The following CAP2 variants were observed in gnomAD, a reference collection of about 807,000 sequenced individuals.
CAP2 encodes adenylyl cyclase-associated protein 2.
CAP2 carries 24 observed loss-of-function variants against 57.7 expected under a neutral mutation model. That is an observed-to-expected ratio of 0.42 (90% confidence interval 0.30 to 0.58). The LOEUF (loss-of-function observed/expected upper bound fraction) is 0.58, where lower values mean the gene tolerates loss of function less well. CAP2 is among the 20% of genes least tolerant of loss of function. The pLI, the probability that CAP2 is intolerant of heterozygous loss-of-function variation, is 0.22. For synonymous variants in CAP2, 194 were observed against 207.2 expected (o/e 0.94, Z 0.55); for missense variants, 501 against 590.3 (o/e 0.85, Z 1.57).
At chr6:17,545,339 T>A (rs1763015447) in intron 11 of CAP2, among the ~76,000 whole-genome samples, 1 of 152,194 alleles carries the variant, frequency 6.6e-6, no homozygotes, top group Non-Finnish European at 1.5e-5. Context: ...GCATTTTTTT[T>A]AATGTAAATA....
chr6:17,510,500 C>T (rs1259736083), intron 6 of CAP2, among the ~76,000 whole-genome samples: 4 of 152,138 alleles, frequency 2.6e-5, no homozygotes, highest in South Asian at 2.1e-4. Flanking sequence ...CTGCCCACCC[C>T]GAGAAAACTT....
chr6:17,494,176 A>G (rs976838690), intron 4 of CAP2, among the ~76,000 whole-genome samples: 1 of 152,226 alleles, frequency 6.6e-6, no homozygotes, highest in Non-Finnish European at 1.5e-5. Flanking sequence ...TACAGCAGCC[A>G]GAGCGATCCT....
At chr6:17,411,711 G>A (rs1411267219) in intron 1 of CAP2, among the ~76,000 whole-genome samples, 1 of 152,176 alleles carries the variant, frequency 6.6e-6, no homozygotes, top group Admixed American at 6.5e-5. Context: ...TTTACTTGAT[G>A]GAGGGAGAAT....
rs184328040 is a variant in CAP2 at position 17,480,250 on chromosome 6, C to T, written c.300+17177C>T. Among the ~76,000 whole-genome samples the T allele has an allele frequency of 1.1e-3, 168 of 152,256 alleles. 2 individuals carry two copies. Among genetic ancestry groups the T allele is most frequent in the Middle Eastern group, 3.4e-3 (1 of 294 alleles). Reference sequence around the variant, plus strand: ...CTGAGTCCTCTCCTCCAAAACTTCTCCCCCACAGCAAATCCATTATCCCAA... The same window carrying T: ...CTGAGTCCTCTCCTCCAAAACTTCTTCCCCACAGCAAATCCATTATCCCAA... On this transcript the variant is annotated intron_variant, in intron 4 of 12. Transcript: ENST00000229922.
chr6:17,512,990 T>G (rs192448276), intron 6 of CAP2, among the ~76,000 whole-genome samples: 121 of 152,330 alleles, frequency 7.9e-4, no homozygotes, highest in African/African-American at 2.7e-3. Context: ...ATTAAATTTT[T>G]CTTAACTCAA....
At chr6:17,411,133 C>G (rs188026874) in intron 1 of CAP2, among the ~76,000 whole-genome samples, 9 of 152,242 alleles carry the variant, frequency 5.9e-5, no homozygotes, top group African/African-American at 2.2e-4. Context: ...GTATTTCACT[C>G]TTTTTTATGG....
At chr6:17,529,384 G>A (rs1204123943) in intron 7 of CAP2, among the ~76,000 whole-genome samples, 1 of 152,138 alleles carries the variant, frequency 6.6e-6, no homozygotes, top group Non-Finnish European at 1.5e-5. Context: ...GCTCACGCCT[G>A]TAATCCCAAC....
chr6:17,534,569 C>G (rs1015591313), intron 7 of CAP2, among the ~76,000 whole-genome samples: 7 of 152,174 alleles, frequency 4.6e-5, no homozygotes, highest in African/African-American at 1.4e-4. Context: ...TTTTGTATCT[C>G]TAGACTGATC....
At chr6:17,524,507 A>C (rs1762458720) in intron 7 of CAP2, among the ~76,000 whole-genome samples, 1 of 152,200 alleles carries the variant, frequency 6.6e-6, no homozygotes. Flanking sequence ...TGGCAGCAGC[A>C]ATGTGCAGCA....
intron 12 of CAP2, among the ~76,000 whole-genome samples, chr6:17,553,415 C>T (rs1468015458): frequency 3.9e-5 from 6 of 152,088 alleles, no homozygotes; most frequent in Admixed American, 2.6e-4. Flanking sequence ...GGGCAGATCA[C>T]GAGCTCAGGA....
intron 2 of CAP2, among the ~76,000 whole-genome samples, chr6:17,424,180 C>G (rs1759519081): frequency 6.6e-6 from 1 of 152,062 alleles, no homozygotes; most frequent in Admixed American, 6.5e-5. Flanking sequence ...GCGAGCCGAT[C>G]ACGAGGTCAG....
chr6:17,478,694 T>C (rs1365595596), intron 4 of CAP2, among the ~76,000 whole-genome samples: 1 of 152,210 alleles, frequency 6.6e-6, no homozygotes, highest in African/African-American at 2.4e-5. Context: ...TCCTCTTTAC[T>C]GCCAGCCTTC....
rs146846170 is a variant in CAP2 at position 17,433,090 on chromosome 6, G to A, written c.222+6400G>A. ...GTGTGTTAAAGATCTCAGCAATGCA[G>A]TGGCAGAGCCAGGAATCTAGTCTCC... On this transcript the variant is annotated intron_variant, in intron 3 of 12. Transcript: ENST00000229922. Among the ~76,000 whole-genome samples the A allele has an allele frequency of 3.6e-3, 546 of 152,118 alleles. 1 individual carries two copies. Among genetic ancestry groups the A allele is most frequent in the African/African-American group, 0.012 (479 of 41,482 alleles).
chr6:17,497,184 C>A (rs922984467), intron 4 of CAP2, among the ~76,000 whole-genome samples: 1 of 152,146 alleles, frequency 6.6e-6, no homozygotes, highest in East Asian at 1.9e-4. Flanking sequence ...CTGATGAATT[C>A]GATTGGTTTC....
At chr6:17,538,412 C>T (rs973596157) in intron 7 of CAP2, among the ~76,000 whole-genome samples, 3 of 151,872 alleles carry the variant, frequency 2.0e-5, no homozygotes, top group Non-Finnish European at 4.4e-5. Context: ...GCTATGTTCA[C>T]GCCACTGCAC....
chr6:17,531,244 G>A, intron 7 of CAP2: 1 of 791,726 alleles, frequency 1.3e-6, no homozygotes, highest in Non-Finnish European at 2.3e-6. Flanking sequence ...ACAATCCTCA[G>A]CATGTTAACT....
intron 4 of CAP2, among the ~76,000 whole-genome samples, chr6:17,489,694 C>T (rs1018001774): frequency 6.6e-6 from 1 of 151,934 alleles, no homozygotes; most frequent in South Asian, 2.1e-4. Context: ...GTTGCCTTGC[C>T]CCTTACTACC....
chr6:17,433,279 A>G (rs776349650), intron 3 of CAP2, among the ~76,000 whole-genome samples: 6 of 152,166 alleles, frequency 3.9e-5, no homozygotes, highest in Non-Finnish European at 5.9e-5. Flanking sequence ...CGAAGATAAA[A>G]CATCTTCTCT....
intron 4 of CAP2, among the ~76,000 whole-genome samples, chr6:17,493,829 A>C (rs1222176924): frequency 1.3e-5 from 2 of 151,146 alleles, no homozygotes; most frequent in Non-Finnish European, 2.9e-5. Flanking sequence ...ATTACTCATC[A>C]GTTGTGGCCC....
Sources: allele counts gnomAD v4.1 joint callset (sites outside exome capture counted in the v4.1 genomes callset), GRCh38; gene constraint gnomAD v4.1.1; transcripts MANE v1.5; gene names NCBI Gene and HGNC (gene_info 2026-07-23, HGNC 2026-07-21).